ANK3: variants seen among roughly 807,000 people sequenced by gnomAD.
ANK3 encodes the protein ankyrin-3.
ANK3 carries 57 observed loss-of-function variants against 370.9 expected under a neutral mutation model. The ratio of observed to expected loss-of-function variants is 0.15; its 90% CI spans 0.12 to 0.19. The LOEUF (loss-of-function observed/expected upper bound fraction) is 0.19. Ranked by LOEUF, ANK3 falls within the 10% of genes least tolerant of loss-of-function variation. The pLI is 1.00. For synonymous variants in ANK3, 1,929 were observed against 1,946.3 expected (o/e 0.99, Z 0.23); for missense variants, 4,439 against 5,302.1 (o/e 0.84, Z 5.06).
At chr10:60,060,124 T>C in intron 40 of ANK3, 1 of 729,196 alleles carries the variant, frequency 1.4e-6, no homozygotes, top group Non-Finnish European at 2.1e-6. Context: ...TACAGATTAA[T>C]GTCAATAAAT....
intron 42 of ANK3, among the ~76,000 whole-genome samples, chr10:60,054,661 G>C (rs771003428): frequency 6.6e-6 from 1 of 152,206 alleles, no homozygotes; most frequent in African/African-American, 2.4e-5. Flanking sequence ...CTGAGCGATT[G>C]AGTTTGCTAA....
intron 2 of ANK3, among the ~76,000 whole-genome samples, chr10:60,512,912 C>G (rs927723824): frequency 1.6e-4 from 1 of 6,326 alleles, no homozygotes; most frequent in African/African-American, 1.7e-4. Context: ...GTAGAAATAA[C>G]AAGGAAGGCA....
At chr10:60,152,788 C>T (rs1249581470) in intron 23 of ANK3, among the ~76,000 whole-genome samples, 6 of 152,142 alleles carry the variant, frequency 3.9e-5, no homozygotes, top group African/African-American at 1.4e-4. Context: ...ATCAGCACCT[C>T]AGAAGACTCC....
intron 1 of ANK3, among the ~76,000 whole-genome samples, chr10:60,359,887 T>C (rs1300683484): frequency 6.6e-6 from 1 of 152,236 alleles, no homozygotes; most frequent in African/African-American, 2.4e-5. Context: ...CTATCTAAAA[T>C]ATAAAAATTC....
In ANK3 at chr10:60,369,334, C is replaced by T. The variant is rs1046879428; in HGVS notation, c.114+20091G>A. Among the ~76,000 whole-genome samples, 6 of 152,224 alleles carry T rather than the reference C, an allele frequency of 3.9e-5. No homozygotes were observed. In the East Asian group the frequency reaches 7.7e-4, roughly 20 times the overall value. The stretch of plus-strand genomic sequence containing the variant: ...GTTATGAGATGAAAGTAAACATTGC[C>T]GAGAATGCAACTAGAAGCTCAACAT... On this transcript the variant is annotated intron_variant, in intron 1 of 43. Coordinates refer to ENST00000280772, the MANE Select transcript of ANK3 (RefSeq NM_020987.5).
At chr10:60,596,129 C>T (rs781342527) in intron 2 of ANK3, among the ~76,000 whole-genome samples, 3 of 152,032 alleles carry the variant, frequency 2.0e-5, no homozygotes, top group East Asian at 1.9e-4. Flanking sequence ...GGATTTTACC[C>T]GACATGAATA....
Position 60,636,530 on chromosome 10 carries a change from T to C in ANK3, c.58-21306A>G, listed in dbSNP as rs117538481. Among the ~76,000 whole-genome samples the C allele has an allele frequency of 4.1e-3, 632 of 152,308 alleles. 3 individuals are homozygous for C. The highest frequency in any genetic ancestry group is 9.9e-3 in the Admixed American group (152 of 15,292). ...GTTTTAATAAGGCAGACAGCTAAGA[T>C]GAAATCTTCACCCTGAGAGAGCCTG... On this transcript the variant is annotated intron_variant, in intron 1 of 43. Transcript: ENST00000373827.
chr10:60,189,660 C>T (rs1368310693), intron 16 of ANK3, among the ~76,000 whole-genome samples: 1 of 152,164 alleles, frequency 6.6e-6, no homozygotes, highest in Non-Finnish European at 1.5e-5. Flanking sequence ...ATGATTCTCA[C>T]TTGCCATACT....
intron 17 of ANK3, among the ~76,000 whole-genome samples, chr10:60,184,491 C>T (rs189551883): frequency 6.6e-6 from 1 of 152,300 alleles, no homozygotes; most frequent in East Asian, 1.9e-4. Context: ...CTCAGAAGTT[C>T]CTTAAGTTCA....
intron 1 of ANK3, among the ~76,000 whole-genome samples, chr10:60,698,576 A>G (rs1323320742): frequency 2.7e-5 from 4 of 149,924 alleles, no homozygotes; most frequent in Admixed American, 1.3e-4. Flanking sequence ...GCAGCCATAA[A>G]AAATGATGAG....
intron 2 of ANK3, among the ~76,000 whole-genome samples, chr10:60,546,627 C>A (rs2076970242): frequency 6.6e-6 from 1 of 152,116 alleles, no homozygotes; most frequent in Non-Finnish European, 1.5e-5. Flanking sequence ...TTTATTCCTG[C>A]AATTTCACTT....
chr10:60,140,568 G>A lies in ANK3; in HGVS notation c.2615-1481C>T. 5 of 1,374,860 alleles carry A rather than the reference G, an allele frequency of 3.6e-6. No homozygotes were observed. In the South Asian group the frequency reaches 5.8e-5, roughly 16 times the overall value. The allele number at this position is 1,374,860 out of a possible 1,614,324, so 85.2% of individuals were successfully genotyped here. ...AATTATACATCTTTCCCCACTCAGAGTTCGAAGATTTTCAAAATTTCAGGC... is the reference window on the plus strand; with the variant it reads ...AATTATACATCTTTCCCCACTCAGAATTCGAAGATTTTCAAAATTTCAGGC... On this transcript the variant is annotated intron_variant, in intron 23 of 43. Transcript: ENST00000280772.
intron 2 of ANK3, among the ~76,000 whole-genome samples, chr10:60,408,991 G>A (rs1234346106): frequency 6.6e-6 from 1 of 152,140 alleles, no homozygotes; most frequent in African/African-American, 2.4e-5. Context: ...TCATTATGTG[G>A]CTTCTGCCTG....
chr10:60,493,316 C>T (rs368261139), intron 2 of ANK3, among the ~76,000 whole-genome samples: 12 of 151,892 alleles, frequency 7.9e-5, no homozygotes, highest in African/African-American at 1.9e-4. Context: ...AGAAATTGCA[C>T]GTGGGGAGCA....
At chr10:60,144,495 A>G (rs1590784474) in intron 23 of ANK3, among the ~76,000 whole-genome samples, 2 of 152,208 alleles carry the variant, frequency 1.3e-5, no homozygotes, top group African/African-American at 4.8e-5. Flanking sequence ...AAATATTTAA[A>G]AAGAATACAA....
chr10:60,672,627 A>G (rs1368770051), intron 1 of ANK3, among the ~76,000 whole-genome samples: 1 of 152,182 alleles, frequency 6.6e-6, no homozygotes, highest in African/African-American at 2.4e-5. Context: ...GTTCATCTGT[A>G]TCCTTTATTA....
chr10:60,206,536 T>C (rs1216410508), intron 10 of ANK3, among the ~76,000 whole-genome samples: 2 of 152,040 alleles, frequency 1.3e-5, no homozygotes, highest in Non-Finnish European at 2.9e-5. Flanking sequence ...ACTGAAAACG[T>C]CTGGCCCCAA....
chr10:60,501,358 C>T lies in ANK3; in HGVS notation c.96+113828G>A, dbSNP rs147973299. 1.4e-3 allele frequency among the ~76,000 whole-genome samples: 220 copies of T among 152,266 alleles called. 1 individual carries two copies. The highest frequency in any genetic ancestry group is 2.8e-3 in the Non-Finnish European group (189 of 68,014). ...TGTATTTTTCTTTCCAAATGACAAA[C>T]CACAGTGCTGACAAAGTGAATGTAT... is the stretch of plus-strand genomic sequence containing the variant. On this transcript the variant is annotated intron_variant, in intron 2 of 43. Transcript: ENST00000373827.
intron 4 of ANK3, among the ~76,000 whole-genome samples, chr10:60,274,982 A>G (rs1186175930): frequency 6.6e-6 from 1 of 152,178 alleles, no homozygotes; most frequent in Admixed American, 6.5e-5. Context: ...CATTAACTCA[A>G]TGTGTTGTCA....
Sources: gnomAD v4.1 joint callset for allele counts (sites outside exome capture counted in the v4.1 genomes callset) on GRCh38, gnomAD v4.1.1 for gene constraint, MANE v1.5 for transcripts, NCBI Gene and HGNC (gene_info 2026-07-23, HGNC 2026-07-21) for gene names.